GPC3: variants seen among roughly 807,000 people sequenced by gnomAD.
GPC3 encodes glypican-3.
A neutral mutation model predicts 34.4 loss-of-function variants in GPC3; 3 were observed. The ratio of observed to expected loss-of-function variants is 0.09; its 90% CI spans 0.04 to 0.23. The LOEUF (loss-of-function observed/expected upper bound fraction) is 0.23, where lower values mean the gene tolerates loss of function less well. GPC3 is among the 10% of genes least tolerant of loss of function. GPC3 has a pLI of 1.00. For synonymous variants in GPC3, 177 were observed against 174.0 expected, an observed-to-expected ratio of 1.02 and a Z score of -0.13; for missense variants, 351 against 445.6, an observed-to-expected ratio of 0.79 and a Z score of 1.91.
chrX:133,916,359 T>G (rs188997042), intron 2 of GPC3, among the ~76,000 whole-genome samples: 1 of 111,781 alleles, frequency 8.9e-6, no homozygotes, highest in East Asian at 2.8e-4. Flanking sequence ...TTAAAAAGTC[T>G]GTTAACTAAG....
intron 3 of GPC3, among the ~76,000 whole-genome samples, chrX:133,703,300 T>C (rs757172445): frequency 9.0e-6 from 1 of 111,505 alleles, no homozygotes; most frequent in Non-Finnish European, 1.9e-5. Context: ...ACCAAAAGAC[T>C]GGAATATAAA....
chrX:133,841,446 G>A lies in GPC3; in HGVS notation c.338-87270C>T, dbSNP rs771184441. On this transcript the variant is annotated intron_variant, in intron 2 of 7. Coordinates refer to ENST00000370818, the MANE Select transcript of GPC3 (RefSeq NM_004484.4). ...AGATGCCTACAATTAGAGATGTCAC[G>A]ATGCATAAATAGATTCATTCAGTAA... 3.7e-5 allele frequency among the ~76,000 whole-genome samples: 4 copies of A among 108,251 alleles called. No homozygotes were observed. In the East Asian group the frequency reaches 1.2e-3, roughly 31 times the overall value. The allele number at this position is 108,251 out of a possible 115,157, so 94.0% of individuals were successfully genotyped here. A position where few individuals can be genotyped will look rare whatever the true frequency, so the allele number is the denominator to read the frequency against.
intron 6 of GPC3, among the ~76,000 whole-genome samples, chrX:133,639,736 A>G (rs1373290537): frequency 8.9e-6 from 1 of 112,061 alleles, no homozygotes; most frequent in Non-Finnish European, 1.9e-5. Context: ...TTAGCCACGG[A>G]ACATTTTGCA....
intron 6 of GPC3, among the ~76,000 whole-genome samples, chrX:133,605,003 C>T (rs2070031274): frequency 2.7e-5 from 3 of 111,883 alleles, no homozygotes; most frequent in Admixed American, 1.9e-4. Context: ...TGTGCACATC[C>T]ACAAGGCCTA....
At chrX:133,629,442 C>T (rs1259132136) in intron 6 of GPC3, among the ~76,000 whole-genome samples, 3 of 111,407 alleles carry the variant, frequency 2.7e-5, no homozygotes, top group Non-Finnish European at 5.7e-5. Context: ...GTTGCCCAGG[C>T]TGGAGTGCAG....
chrX:133,761,345 T>C (rs1285706921), intron 2 of GPC3, among the ~76,000 whole-genome samples: 1 of 112,449 alleles, frequency 8.9e-6, no homozygotes, highest in African/African-American at 3.2e-5. Flanking sequence ...GTCAGATTTT[T>C]CTGGCATTTT....
chrX:133,888,854 G>GT (rs1350312770), intron 2 of GPC3, among the ~76,000 whole-genome samples: 3 of 112,247 alleles, frequency 2.7e-5, no homozygotes, highest in Non-Finnish European at 5.6e-5. Context: ...CAGAATGGCT[G>GT]TATGTCAACA....
At chrX:133,890,804 G>C (rs1291549427) in intron 2 of GPC3, among the ~76,000 whole-genome samples, 2 of 104,036 alleles carry the variant, frequency 1.9e-5, no homozygotes, top group Admixed American at 1.1e-4. Context: ...AGGTGGCAGT[G>C]AGCCGAGATC....
chrX:133,645,269 T>C (rs2070529787), intron 6 of GPC3, among the ~76,000 whole-genome samples: 2 of 111,528 alleles, frequency 1.8e-5, no homozygotes, highest in South Asian at 7.7e-4. Context: ...GGCGGGCCTC[T>C]CAGTCTAGCA....
chrX:133,658,876 G>A (rs1220041215), intron 6 of GPC3, among the ~76,000 whole-genome samples: 1 of 109,476 alleles, frequency 9.1e-6, no homozygotes, highest in Admixed American at 9.6e-5. Flanking sequence ...CTGAAAGTTA[G>A]AGGAGAGGAA....
chrX:133,599,629 G>A (rs1467377337), intron 6 of GPC3, among the ~76,000 whole-genome samples: 3 of 111,442 alleles, frequency 2.7e-5, no homozygotes, highest in Non-Finnish European at 5.7e-5. Flanking sequence ...CATCACTTCA[G>A]TTTCACCAAA....
intron 6 of GPC3, among the ~76,000 whole-genome samples, chrX:133,617,397 G>T (rs754825741): frequency 1.8e-5 from 2 of 112,459 alleles, no homozygotes; most frequent in Non-Finnish European, 3.7e-5. Context: ...AAGTTTAATG[G>T]CTGTGTGCCC....
At chrX:133,982,720 G>A (rs1014594125) in intron 1 of GPC3, among the ~76,000 whole-genome samples, 4 of 111,718 alleles carry the variant, frequency 3.6e-5, no homozygotes, top group African/African-American at 1.3e-4. Flanking sequence ...TTTGATCTGG[G>A]ACAAAGAAAG....
intron 1 of GPC3, among the ~76,000 whole-genome samples, chrX:133,981,090 ACT>A (rs764199507): frequency 8.1e-5 from 9 of 111,571 alleles, no homozygotes; most frequent in African/African-American, 1.6e-4. Context: ...GAATTAAGAA[ACT>A]CTTTTTAAGA....
intron 3 of GPC3, among the ~76,000 whole-genome samples, chrX:133,749,403 C>T (rs2039926465): frequency 8.9e-6 from 1 of 111,886 alleles, no homozygotes; most frequent in African/African-American, 3.2e-5. Context: ...AGTTTGAGAA[C>T]AGGATCCTTT....
intron 3 of GPC3, among the ~76,000 whole-genome samples, chrX:133,719,034 AAAC>A (rs1375574000): frequency 2.7e-5 from 3 of 111,288 alleles, no homozygotes; most frequent in African/African-American, 9.8e-5. Context: ...TGGATAGTTC[AAAC>A]AACTAGGCAG....
chrX:133,698,653 G>C (rs1603227988), intron 4 of GPC3, among the ~76,000 whole-genome samples: 1 of 111,951 alleles, frequency 8.9e-6, no homozygotes, highest in Non-Finnish European at 1.9e-5. Context: ...CGGAGCTTGG[G>C]CATGGGCATG....
chrX:133,603,478 C>T (rs1302573369), intron 6 of GPC3, among the ~76,000 whole-genome samples: 3 of 111,782 alleles, frequency 2.7e-5, no homozygotes, highest in African/African-American at 9.7e-5. Flanking sequence ...ACAAGAGCCA[C>T]CAGAGCACCA....
intron 2 of GPC3, among the ~76,000 whole-genome samples, chrX:133,912,066 T>C (rs2076203113): frequency 8.9e-6 from 1 of 112,549 alleles, no homozygotes. Context: ...AGATCAGCTG[T>C]GAATAAGTGT....
Sources: allele counts gnomAD v4.1 joint callset (sites outside exome capture counted in the v4.1 genomes callset), GRCh38; gene constraint gnomAD v4.1.1; transcripts MANE v1.5; gene names NCBI Gene and HGNC (gene_info 2026-07-23, HGNC 2026-07-21).